DNAAF4: variants seen among roughly 807,000 people sequenced by gnomAD.
The protein encoded by DNAAF4 is dynein assembly factor 4, axonemal.
DNAAF4 carries 43 observed loss-of-function variants against 51.8 expected under a neutral mutation model. The observed-to-expected ratio is 0.83, with a 90% CI of 0.65 to 1.07. The LOEUF is 1.07. Among genes scored for constraint, DNAAF4 ranks in the 50% least tolerant of loss-of-function variants. The probability of loss-of-function intolerance (pLI) is 0.00; values close to 1 mark genes in which losing one functional copy is unlikely to be tolerated. For missense variants in DNAAF4, 581 were observed against 493.0 expected, an observed-to-expected ratio of 1.18 and a Z score of -1.69; for synonymous variants, 194 against 165.6, an observed-to-expected ratio of 1.17 and a Z score of -1.32.
At chr15:55,469,173 A>G (rs990215226) in intron 4 of DNAAF4, among the ~76,000 whole-genome samples, 1 of 151,962 alleles carries the variant, frequency 6.6e-6, no homozygotes, top group Non-Finnish European at 1.5e-5. Context: ...TCTACTAAAA[A>G]ATACAAAATT....
chr15:55,488,020 G>A (rs8034213), intron 4 of DNAAF4, among the ~76,000 whole-genome samples: 50,052 of 151,850 alleles, frequency 0.33, 8,791 homozygotes, highest in African/African-American at 0.41. Flanking sequence ...TTTCTACCAG[G>A]AACCTAATTG....
At chr15:55,466,040 A>G (rs2141504032) in intron 5 of DNAAF4, among the ~76,000 whole-genome samples, 1 of 152,304 alleles carries the variant, frequency 6.6e-6, no homozygotes, top group East Asian at 1.9e-4. Flanking sequence ...ATCACCACTA[A>G]AGAACTTATA....
At chr15:55,491,012 C>T in intron 4 of DNAAF4, 111 bp downstream of exon 4, 2 of 1,338,258 alleles carry the variant, frequency 1.5e-6, no homozygotes, top group African/African-American at 1.5e-5. Context: ...AGTAAGTCCT[C>T]TAAACAAAGT....
Position 55,430,529 on chromosome 15 carries a change from T to C in DNAAF4, c.*141A>G. ...TTCAAGTCAAACAGTTTATTTTCTA[T>C]AGATTTATAATATTTTGCCCTCAAC... On this transcript the variant is annotated 3_prime_UTR_variant, in exon 10 of 10. Coordinates refer to ENST00000321149, the MANE Select transcript of DNAAF4 (RefSeq NM_130810.4). 3 of 1,270,660 alleles carry C rather than the reference T, an allele frequency of 2.4e-6. No homozygotes were observed. The highest frequency in any genetic ancestry group is 2.0e-6 in the Non-Finnish European group (2 of 1,001,288). 78.7% of individuals were successfully genotyped at this position (1,270,660 alleles called of 1,614,324 possible).
Position 55,430,317 on chromosome 15 carries a change from A to T in DNAAF4, c.*353T>A. 3.5e-6 allele frequency: 3 copies of T among 868,206 alleles called. No homozygotes were observed. Among genetic ancestry groups the T allele is most frequent in the Non-Finnish European group, 4.2e-6 (3 of 722,680 alleles). The allele number at this position is 868,206 out of a possible 1,614,324, so 53.8% of individuals were successfully genotyped here. Reference sequence around the variant, plus strand: ...TTAATACAAACAAAAGTTATTTATAAATCTTTTATTTTAAAATTCTACCTT... The same window carrying T: ...TTAATACAAACAAAAGTTATTTATATATCTTTTATTTTAAAATTCTACCTT... On this transcript the variant is annotated 3_prime_UTR_variant, in exon 10 of 10. Transcript: ENST00000321149.
rs2057474190 is a variant in DNAAF4 at position 55,430,343 on chromosome 15, G to T, written c.*327C>A. On this transcript the variant is annotated 3_prime_UTR_variant, in exon 10 of 10. Coordinates refer to ENST00000321149, the MANE Select transcript of DNAAF4 (RefSeq NM_130810.4). The stretch of plus-strand genomic sequence containing the variant: ...ATCTTTTATTTTAAAATTCTACCTT[G>T]TTAAAAATTAATCAGTAAGTGTCCT... 2.1e-6 allele frequency: 2 copies of T among 963,956 alleles called. No individual in the cohort carries two copies. Among genetic ancestry groups the T allele is most frequent in the Non-Finnish European group, 2.5e-6 (2 of 809,690 alleles). 59.7% of individuals were successfully genotyped at this position (963,956 alleles called of 1,614,324 possible).
chr15:55,450,354 T>C lies in DNAAF4; in HGVS notation c.651A>G (p.Glu217=). 1 of 1,609,180 alleles carries C rather than the reference T, an allele frequency of 6.2e-7. No homozygotes were observed. The highest frequency in any genetic ancestry group is 8.5e-7 in the Non-Finnish European group (1 of 1,178,840). Reference sequence around the variant, plus strand: ...CCTTTAACTTCTCAGTAAATATATTTTCTGAATTTCTCCCTTCAAAAACAA... The same window carrying C: ...CCTTTAACTTCTCAGTAAATATATTCTCTGAATTTCTCCCTTCAAAAACAA... ...RNLAPKGRNS[E]NIFTEKLKED... Residue 217 remains glutamate, a synonymous_variant, in exon 6 of 10, where the codon GAA becomes GAG. Transcript: ENST00000321149.
Position 55,450,375 on chromosome 15 carries a change from A to C in DNAAF4, c.638-8T>G. ...TATTTTCTGAATTTCTCCCTTCAAA[A>C]ACAATGGTAGCAAACAAGTCACTTA... On this transcript the variant is annotated splice_region_variant and splice_polypyrimidine_tract_variant and intron_variant, in intron 5 of 9. Coordinates refer to ENST00000321149, the MANE Select transcript of DNAAF4 (RefSeq NM_130810.4). The C allele has an allele frequency of 2.5e-6, 4 of 1,607,490 alleles. No homozygotes were observed. Among genetic ancestry groups the C allele is most frequent in the Non-Finnish European group, 3.4e-6 (4 of 1,178,056 alleles).
chr15:55,487,673 C>T (rs565108604), intron 4 of DNAAF4, among the ~76,000 whole-genome samples: 31 of 152,006 alleles, frequency 2.0e-4, no homozygotes, highest in African/African-American at 6.5e-4. Context: ...CAAACAACTC[C>T]GGACGCGCCA....
intron 7 of DNAAF4, among the ~76,000 whole-genome samples, chr15:55,423,168 G>T (rs1441601784): frequency 6.8e-6 from 1 of 146,110 alleles, no homozygotes; most frequent in Admixed American, 6.9e-5. Context: ...AGAGCCAAAA[G>T]TTTTTTTTTT....
chr15:55,504,869 T>C (rs959001293), intron 1 of DNAAF4, among the ~76,000 whole-genome samples: 58 of 152,114 alleles, frequency 3.8e-4, no homozygotes, highest in African/African-American at 1.4e-3. Flanking sequence ...GGGCAAAAAC[T>C]TCATGACTAA....
chr15:55,488,080 GA>G (rs1375144179), intron 4 of DNAAF4, among the ~76,000 whole-genome samples: 5 of 151,432 alleles, frequency 3.3e-5, no homozygotes, highest in African/African-American at 1.2e-4. Context: ...TGGATTCCTT[GA>G]CCATACTCTC....
At chr15:55,494,361 C>T (rs2058612633) in intron 3 of DNAAF4, among the ~76,000 whole-genome samples, 1 of 151,856 alleles carries the variant, frequency 6.6e-6, no homozygotes, top group Admixed American at 6.6e-5. Context: ...AATCTCAAAC[C>T]TGGTTTCTGA....
At chr15:55,494,620 C>T (rs1460744324) in intron 3 of DNAAF4, among the ~76,000 whole-genome samples, 2 of 151,674 alleles carry the variant, frequency 1.3e-5, no homozygotes, top group Admixed American at 1.3e-4. Flanking sequence ...CCATGTTGGC[C>T]AGGCTGGTCT....
chr15:55,474,227 G>A (rs2058305484), intron 4 of DNAAF4, among the ~76,000 whole-genome samples: 1 of 152,046 alleles, frequency 6.6e-6, no homozygotes, highest in South Asian at 2.1e-4. Context: ...AGTAAGTTCA[G>A]CAAGGCAGTC....
At chr15:55,502,089 A>G (rs2058702686) in intron 1 of DNAAF4, among the ~76,000 whole-genome samples, 1 of 152,100 alleles carries the variant, frequency 6.6e-6, no homozygotes, top group South Asian at 2.1e-4. Context: ...AGGCATAATA[A>G]AGACTATTAA....
At chr15:55,423,997 G>A (rs936249009) in intron 7 of DNAAF4, among the ~76,000 whole-genome samples, 4 of 152,144 alleles carry the variant, frequency 2.6e-5, no homozygotes, top group Admixed American at 1.3e-4. Context: ...GGCTGAGGCA[G>A]GAGAATCACT....
At chr15:55,425,107 C>T (rs567767565) in intron 7 of DNAAF4, among the ~76,000 whole-genome samples, 2 of 152,188 alleles carry the variant, frequency 1.3e-5, no homozygotes, top group South Asian at 2.1e-4. Context: ...TCAGTTGATC[C>T]GCCCACCTCG....
intron 8 of DNAAF4, among the ~76,000 whole-genome samples, chr15:55,433,978 T>A (rs758718083): frequency 1.5e-4 from 3 of 20,120 alleles, no homozygotes; most frequent in South Asian, 1.7e-3. Context: ...ATTTTATATA[T>A]TATATATAAT....
Sources: gnomAD v4.1 joint callset for allele counts (sites outside exome capture counted in the v4.1 genomes callset) on GRCh38, gnomAD v4.1.1 for gene constraint, MANE v1.5 for transcripts, NCBI Gene and HGNC (gene_info 2026-07-23, HGNC 2026-07-21) for gene names.